The following ATP8A2 variants were observed in gnomAD, a reference collection of about 807,000 sequenced individuals.
The protein encoded by ATP8A2 is ATPase phospholipid transporting 8A2, also known as phospholipid-transporting ATPase IB.
A neutral mutation model predicts 165.6 loss-of-function variants in ATP8A2; 100 were observed. That is an observed-to-expected ratio of 0.60 (90% CI 0.51 to 0.71). The LOEUF (loss-of-function observed/expected upper bound fraction) is 0.71. Ranked by LOEUF, ATP8A2 falls within the 30% of genes least tolerant of loss-of-function variation. ATP8A2 has a pLI of 0.00. For missense variants in ATP8A2, 1,227 were observed against 1,479.5 expected, an observed-to-expected ratio of 0.83 and a Z score of 2.80; for synonymous variants, 543 against 548.8, an observed-to-expected ratio of 0.99 and a Z score of 0.15.
intron 25 of ATP8A2, among the ~76,000 whole-genome samples, chr13:25,710,344 G>T (rs1280448282): frequency 6.6e-6 from 1 of 152,018 alleles, no homozygotes; most frequent in Non-Finnish European, 1.5e-5. Context: ...GTCCTGTTGT[G>T]CTACTGAGCA....
At chr13:25,754,034 C>T (rs1383473306) in intron 25 of ATP8A2, among the ~76,000 whole-genome samples, 4 of 152,176 alleles carry the variant, frequency 2.6e-5, no homozygotes, top group Non-Finnish European at 2.9e-5. Flanking sequence ...CTGCAGATAC[C>T]GTTTGTTCAG....
intron 1 of ATP8A2, among the ~76,000 whole-genome samples, chr13:25,453,372 C>T (rs533799899): frequency 9.9e-5 from 15 of 152,034 alleles, no homozygotes; most frequent in Admixed American, 4.6e-4. Context: ...GTGATCCATC[C>T]GCCTCAGCCT....
At chr13:25,474,612 G>T (rs1329071504) in intron 2 of ATP8A2, among the ~76,000 whole-genome samples, 1 of 151,522 alleles carries the variant, frequency 6.6e-6, no homozygotes, top group Non-Finnish European at 1.5e-5. Flanking sequence ...AAAAGGAATT[G>T]AGCACTGTAT....
intron 35 of ATP8A2, among the ~76,000 whole-genome samples, chr13:25,999,598 A>G (rs144209112): frequency 2.0e-5 from 3 of 152,278 alleles, no homozygotes; most frequent in African/African-American, 4.8e-5. Context: ...CTGTAAGGGC[A>G]TCATCACCTT....
intron 33 of ATP8A2, among the ~76,000 whole-genome samples, chr13:25,885,825 T>C (rs1323410708): frequency 1.3e-5 from 2 of 152,198 alleles, no homozygotes. Context: ...TAATAATGTG[T>C]TTATTTATCT....
Position 25,530,525 on chromosome 13 carries a change from T to C in ATP8A2, c.322-37T>C, listed in dbSNP as rs977133228. 16 of 1,252,900 alleles carry C rather than the reference T, an allele frequency of 1.3e-5. No individual in the cohort carries two copies. In the African/African-American group the frequency reaches 2.1e-4, roughly 16 times the overall value. 77.6% of individuals were successfully genotyped at this position (1,252,900 alleles called of 1,614,324 possible). The stretch of plus-strand genomic sequence containing the variant: ...TTCTGTTCATGGAGAGGATTTTTAA[T>C]GTGCCAACTTCCTACTTGTGGTCTC... On this transcript the variant is annotated intron_variant, in intron 3 of 36. Coordinates refer to ENST00000381655, the MANE Select transcript of ATP8A2 (RefSeq NM_016529.6).
intron 27 of ATP8A2, among the ~76,000 whole-genome samples, chr13:25,791,198 T>C (rs1313554963): frequency 1.3e-5 from 2 of 152,140 alleles, no homozygotes; most frequent in African/African-American, 4.8e-5. Context: ...TGGGATACTA[T>C]GCAGCCATAA....
intron 1 of ATP8A2, among the ~76,000 whole-genome samples, chr13:25,453,422 G>C (rs921157678): frequency 6.6e-6 from 1 of 152,094 alleles, no homozygotes; most frequent in East Asian, 1.9e-4. Flanking sequence ...GACTCAAGAT[G>C]GTAAGTGTGA....
chr13:25,742,471 G>C (rs576033832), intron 25 of ATP8A2, among the ~76,000 whole-genome samples: 1 of 151,902 alleles, frequency 6.6e-6, no homozygotes, highest in Non-Finnish European at 1.5e-5. Context: ...TACAAGTTAG[G>C]GGCTAACTAG....
At chr13:25,495,656 G>A (rs2036656034) in intron 2 of ATP8A2, among the ~76,000 whole-genome samples, 2 of 143,036 alleles carry the variant, frequency 1.4e-5, no homozygotes, top group Non-Finnish European at 3.0e-5. Flanking sequence ...TTTAAGAGAT[G>A]GGGTCTCACT....
At chr13:25,748,943 G>C (rs1262511126) in intron 25 of ATP8A2, among the ~76,000 whole-genome samples, 1 of 152,190 alleles carries the variant, frequency 6.6e-6, no homozygotes, top group Non-Finnish European at 1.5e-5. Flanking sequence ...TTCAATAACA[G>C]TATGTGGAGA....
intron 27 of ATP8A2, among the ~76,000 whole-genome samples, chr13:25,776,010 TAA>T (rs1255008871): frequency 6.6e-6 from 1 of 152,192 alleles, no homozygotes; most frequent in African/African-American, 2.4e-5. Flanking sequence ...ACTAAACTAC[TAA>T]AGAGTGATTT....
intron 33 of ATP8A2, among the ~76,000 whole-genome samples, chr13:25,922,786 C>T (rs1280905997): frequency 6.6e-6 from 1 of 152,204 alleles, no homozygotes; most frequent in East Asian, 1.9e-4. Flanking sequence ...AGGCCCTACA[C>T]ATTTGTTGCT....
chr13:25,624,646 G>A (rs2041057285), intron 24 of ATP8A2, among the ~76,000 whole-genome samples: 1 of 152,136 alleles, frequency 6.6e-6, no homozygotes, highest in Non-Finnish European at 1.5e-5. Flanking sequence ...GGCAATTGAG[G>A]TATGTATGTA....
intron 25 of ATP8A2, among the ~76,000 whole-genome samples, chr13:25,753,658 A>T (rs2044201824): frequency 6.6e-6 from 1 of 152,136 alleles, no homozygotes; most frequent in African/African-American, 2.4e-5. Context: ...TAGCTCAATG[A>T]TGTCCTTTCC....
intron 1 of ATP8A2, among the ~76,000 whole-genome samples, chr13:25,450,092 C>A (rs2035171736): frequency 6.6e-6 from 1 of 152,142 alleles, no homozygotes; most frequent in African/African-American, 2.4e-5. Flanking sequence ...GTTTTCTGTT[C>A]CTGTGTTAGT....
intron 33 of ATP8A2, among the ~76,000 whole-genome samples, chr13:25,941,925 C>T (rs1355544828): frequency 6.6e-6 from 1 of 152,136 alleles, no homozygotes; most frequent in African/African-American, 2.4e-5. Context: ...AGTCTCACTC[C>T]CCTTGAGATA....
At chr13:25,574,746 A>G in intron 18 of ATP8A2, 62 bp from the exon 19 acceptor site, 1 of 926,792 alleles carries the variant, frequency 1.1e-6, no homozygotes, top group Non-Finnish European at 1.8e-6. Context: ...TGCTTGGGAG[A>G]CAATTGCTTT....
In ATP8A2 at chr13:25,692,357, G is replaced by C. The variant is rs533189649; in HGVS notation, c.2212-6816G>C. On this transcript the variant is annotated intron_variant, in intron 24 of 36. Coordinates refer to ENST00000381655, the MANE Select transcript of ATP8A2 (RefSeq NM_016529.6). ...CCACTGGAATTTGCAGGACATCAAA[G>C]TGAGGGCTGCAGCAGCTGCTGCTCC... 6.6e-5 allele frequency among the ~76,000 whole-genome samples: 10 copies of C among 152,320 alleles called. No individual in the cohort carries two copies. In the East Asian group the frequency reaches 1.7e-3, roughly 26 times the overall value.
Sources: allele counts gnomAD v4.1 joint callset (sites outside exome capture counted in the v4.1 genomes callset), GRCh38; gene constraint gnomAD v4.1.1; transcripts MANE v1.5; gene names NCBI Gene and HGNC (gene_info 2026-07-23, HGNC 2026-07-21).